ULK4: variants seen among roughly 807,000 people sequenced by gnomAD.
ULK4 encodes the protein unc-51 like kinase 4.
Under a neutral mutation model 160.6 loss-of-function variants are expected in ULK4, and 133 were observed. That is an observed-to-expected ratio of 0.83 (90% confidence interval 0.72 to 0.96). The LOEUF is 0.96. Ranked by LOEUF, ULK4 falls within the 40% of genes least tolerant of loss-of-function variation. The probability of loss-of-function intolerance (pLI) is 0.00; values close to 1 mark genes in which losing one functional copy is unlikely to be tolerated. For synonymous variants in ULK4, 534 were observed against 539.8 expected (o/e 0.99, Z 0.15); for missense variants, 1,580 against 1,499.5 (o/e 1.05, Z -0.89).
At chr3:41,623,652 G>C (rs1482105469) in intron 30 of ULK4, among the ~76,000 whole-genome samples, 1 of 152,082 alleles carries the variant, frequency 6.6e-6, no homozygotes, top group Non-Finnish European at 1.5e-5. Flanking sequence ...CTCTAAAAAA[G>C]TCAAACTCAA....
intron 31 of ULK4, among the ~76,000 whole-genome samples, chr3:41,581,298 A>G (rs1215056052): frequency 6.6e-6 from 1 of 152,154 alleles, no homozygotes; most frequent in East Asian, 1.9e-4. Context: ...CTTCTCAATC[A>G]TAGGGTTTTG....
chr3:41,369,410 C>T (rs1488594018), intron 35 of ULK4, among the ~76,000 whole-genome samples: 2 of 151,972 alleles, frequency 1.3e-5, no homozygotes, highest in African/African-American at 4.8e-5. Context: ...GAGAGGATCA[C>T]CTGAGCTTGG....
intron 16 of ULK4, among the ~76,000 whole-genome samples, chr3:41,893,526 C>T (rs1269557204): frequency 6.6e-6 from 1 of 152,092 alleles, no homozygotes; most frequent in Admixed American, 6.5e-5. Flanking sequence ...AAAATATTTA[C>T]TGCCTTCTAT....
intron 32 of ULK4, among the ~76,000 whole-genome samples, chr3:41,464,463 C>T (rs2083776483): frequency 1.3e-5 from 2 of 151,994 alleles, no homozygotes; most frequent in South Asian, 2.1e-4. Flanking sequence ...AATGAATTAC[C>T]GTCAAAATTT....
intron 32 of ULK4, among the ~76,000 whole-genome samples, chr3:41,506,767 A>AAAAAAAAAAAAAAAAAAATATAAATATAT: frequency 8.8e-5 from 5 of 56,766 alleles, no homozygotes; most frequent in Non-Finnish European, 1.3e-4. Context: ...TGTGATTTAA[A>AAAAAAAAAAAAAAAAAAATATAAATATAT]ATATATATAT....
At chr3:41,665,285 G>A (rs1039759273) in intron 29 of ULK4, among the ~76,000 whole-genome samples, 5 of 152,018 alleles carry the variant, frequency 3.3e-5, no homozygotes, top group African/African-American at 9.7e-5. Context: ...GAAAAGAGAC[G>A]GACTATTACA....
chr3:41,855,337 C>T (rs1193402991), intron 17 of ULK4, among the ~76,000 whole-genome samples: 1 of 152,186 alleles, frequency 6.6e-6, no homozygotes, highest in Admixed American at 6.5e-5. Context: ...GAAAACCAAG[C>T]CAGAGGCATA....
chr3:41,844,434 G>A lies in ULK4; in HGVS notation c.1657-8463C>T, dbSNP rs541559003. 9.8e-4 allele frequency among the ~76,000 whole-genome samples: 149 copies of A among 152,278 alleles called. 1 individual carries two copies. The highest frequency in any genetic ancestry group is 3.4e-3 in the African/African-American group (142 of 41,552). The stretch of plus-strand genomic sequence containing the variant: ...CAGGTGCTAAGCTCCTCATTGCCCG[G>A]GGCCGGCAGGGCCAGCCGGCCTGAG... On this transcript the variant is annotated intron_variant, in intron 17 of 36. Transcript: ENST00000301831.
chr3:41,937,172 T>C (rs1258332897), intron 3 of ULK4: 2 of 460,594 alleles, frequency 4.3e-6, no homozygotes, highest in East Asian at 6.3e-5. Context: ...TTTTATTTTG[T>C]TTTGGTGGGT....
At chr3:41,426,197 T>C (rs897086247) in intron 34 of ULK4, among the ~76,000 whole-genome samples, 1 of 152,154 alleles carries the variant, frequency 6.6e-6, no homozygotes, top group African/African-American at 2.4e-5. Flanking sequence ...CATTATGTAA[T>C]GGTAAAGGTC....
Position 41,883,866 on chromosome 3 carries a change from G to T in ULK4, c.1656+8C>A, listed in dbSNP as rs1697615280. The T allele has an allele frequency of 6.3e-7, 1 of 1,594,706 alleles. No individual in the cohort carries two copies. The highest frequency in any genetic ancestry group is 1.3e-5 in the African/African-American group (1 of 74,746). ...CATTCATCACATTTAAGTAATAAAAGACATTACCTCAACAACAGGTGTATT... is the reference window on the plus strand; with the variant it reads ...CATTCATCACATTTAAGTAATAAAATACATTACCTCAACAACAGGTGTATT... On this transcript the variant is annotated splice_region_variant and intron_variant, in intron 17 of 36. Coordinates refer to ENST00000301831, the MANE Select transcript of ULK4 (RefSeq NM_017886.4).
intron 35 of ULK4, among the ~76,000 whole-genome samples, chr3:41,330,183 C>T (rs2080414546): frequency 6.6e-6 from 1 of 152,128 alleles, no homozygotes; most frequent in Non-Finnish European, 1.5e-5. Context: ...TCTCCAAACC[C>T]CTCACTCCTA....
At chr3:41,950,339 C>T (rs561140536) in intron 2 of ULK4, among the ~76,000 whole-genome samples, 1 of 152,084 alleles carries the variant, frequency 6.6e-6, no homozygotes, top group Admixed American at 6.5e-5. Context: ...CTCCTGAGTT[C>T]AAGTGATTCT....
intron 5 of ULK4, among the ~76,000 whole-genome samples, chr3:41,922,228 C>G (rs1487276825): frequency 6.6e-6 from 1 of 152,100 alleles, no homozygotes; most frequent in Non-Finnish European, 1.5e-5. Flanking sequence ...TGGCACAAGC[C>G]TGTACTCCTA....
At chr3:41,891,716 G>C (rs1697974102) in intron 16 of ULK4, among the ~76,000 whole-genome samples, 1 of 152,116 alleles carries the variant, frequency 6.6e-6, no homozygotes, top group Non-Finnish European at 1.5e-5. Flanking sequence ...AGACCATCTG[G>C]CCAACACGGT....
chr3:41,706,776 C>G (rs1055425852), intron 25 of ULK4, among the ~76,000 whole-genome samples: 5 of 144,260 alleles, frequency 3.5e-5, no homozygotes, highest in Non-Finnish European at 4.5e-5. Context: ...TGTAGTGAGC[C>G]AAGATCATGC....
intron 32 of ULK4, among the ~76,000 whole-genome samples, chr3:41,545,192 G>C (rs1213418372): frequency 1.3e-5 from 2 of 152,106 alleles, no homozygotes; most frequent in African/African-American, 4.8e-5. Context: ...CAAAAAAAAG[G>C]TATTCTTTCA....
chr3:41,771,723 A>G (rs761877947), intron 21 of ULK4, among the ~76,000 whole-genome samples: 3 of 152,210 alleles, frequency 2.0e-5, no homozygotes, highest in Non-Finnish European at 4.4e-5. Context: ...ACTTCCCCAG[A>G]GATCCTCGAA....
At chr3:41,533,045 CCAT>C in intron 32 of ULK4, among the ~76,000 whole-genome samples, 1 of 152,308 alleles carries the variant, frequency 6.6e-6, no homozygotes, top group South Asian at 2.1e-4. Flanking sequence ...AATACTGCCA[CCAT>C]GTTTAAAAAC....
Sources: allele counts gnomAD v4.1 joint callset (sites outside exome capture counted in the v4.1 genomes callset), GRCh38; gene constraint gnomAD v4.1.1; transcripts MANE v1.5; gene names NCBI Gene and HGNC (gene_info 2026-07-23, HGNC 2026-07-21).